The following EDAR variants were observed in gnomAD, a reference collection of about 807,000 sequenced individuals.
The protein encoded by EDAR is tumor necrosis factor receptor superfamily member EDAR.
Under a neutral mutation model 51.3 loss-of-function variants are expected in EDAR, and 38 were observed. That is an observed-to-expected ratio of 0.74 (90% CI 0.57 to 0.97). The LOEUF is 0.97. Among genes scored for constraint, EDAR ranks in the 50% least tolerant of loss-of-function variants. The pLI, the probability that EDAR is intolerant of heterozygous loss-of-function variation, is 0.00. For synonymous variants in EDAR, 227 were observed against 242.1 expected (o/e 0.94, Z 0.58); for missense variants, 528 against 595.0 (o/e 0.89, Z 1.17).
In EDAR at chr2:108,912,820, G is replaced by A. The variant is rs1696953344; in HGVS notation, c.443-56C>T. ...CCAGAGAAGCTCCACCTTCAAAGAC[G>A]CTGCCACAGAGCTCATGGATCTGGA... On this transcript the variant is annotated intron_variant, in intron 5 of 11. Transcript: ENST00000258443. 11 of 1,412,822 alleles carry A rather than the reference G, an allele frequency of 7.8e-6. No individual in the cohort carries two copies. The Admixed American group carries it at 7.8e-5, about 10-fold the overall frequency. The allele number at this position is 1,412,822 out of a possible 1,614,324, so 87.5% of individuals were successfully genotyped here. A position where few individuals can be genotyped will look rare whatever the true frequency, so the allele number is the denominator to read the frequency against.
intron 1 of EDAR, among the ~76,000 whole-genome samples, chr2:108,973,240 G>A (rs1345694218): frequency 6.6e-6 from 1 of 152,144 alleles, no homozygotes; most frequent in Non-Finnish European, 1.5e-5. Context: ...TGCCTGCTTC[G>A]GCCTCCCAAA....
At chr2:108,947,221 C>A (rs1207067676) in intron 1 of EDAR, among the ~76,000 whole-genome samples, 1 of 152,238 alleles carries the variant, frequency 6.6e-6, no homozygotes, top group Non-Finnish European at 1.5e-5. Context: ...CCAGGGCATG[C>A]TGATGCAAGG....
chr2:108,964,532 C>T (rs879360381), intron 1 of EDAR, among the ~76,000 whole-genome samples: 1 of 152,166 alleles, frequency 6.6e-6, no homozygotes, highest in Non-Finnish European at 1.5e-5. Flanking sequence ...CCAACAAACT[C>T]CAAAAGCCCA....
Position 108,900,697 on chromosome 2 carries a change from T to C in EDAR, c.1025-3468A>G, listed in dbSNP as rs562973820. Among the ~76,000 whole-genome samples, 11 of 152,226 alleles carry C rather than the reference T, an allele frequency of 7.2e-5. No individual in the cohort carries two copies. In the South Asian group the frequency reaches 2.1e-3, roughly 29 times the overall value. ...TCACTTCAATATAATGAGAGAGGCGTTGGAAGTAAAGGATGGAAAAATACA... is the reference window on the plus strand; with the variant it reads ...TCACTTCAATATAATGAGAGAGGCGCTGGAAGTAAAGGATGGAAAAATACA... On this transcript the variant is annotated intron_variant, in intron 11 of 11. Transcript: ENST00000258443.
At chr2:108,907,773 A>C (rs1208472623) in intron 10 of EDAR, 87 bp downstream of exon 10, 1 of 1,496,920 alleles carries the variant, frequency 6.7e-7, no homozygotes, top group Non-Finnish European at 9.3e-7. Flanking sequence ...GTCTTGCAGG[A>C]GAGCTGATTC....
At chr2:108,929,460 TG>T (rs138948603) in intron 3 of EDAR, 81 bp from the exon 4 acceptor site, 7 of 1,451,534 alleles carry the variant, frequency 4.8e-6, no homozygotes, top group Non-Finnish European at 6.8e-6. Flanking sequence ...CCTTGGGCAG[TG>T]ACGTGCCAGC....
chr2:108,981,173 A>T lies in EDAR; in HGVS notation c.-19+7787T>A, dbSNP rs542317477. Among the ~76,000 whole-genome samples the T allele has an allele frequency of 3.9e-5, 6 of 152,268 alleles. No individual in the cohort carries two copies. The East Asian group carries it at 7.7e-4, about 20-fold the overall frequency. ...TTCCCTCGGGGAACTGAAGTGACAG[A>T]AGTTACCCAGCAATGATGATCTGAC... On this transcript the variant is annotated intron_variant, in intron 1 of 11. Transcript: ENST00000258443.
intron 9 of EDAR, among the ~76,000 whole-genome samples, chr2:108,908,737 C>G (rs1696859614): frequency 1.3e-5 from 2 of 152,172 alleles, no homozygotes; most frequent in African/African-American, 2.4e-5. Context: ...AAACAATATT[C>G]TTTTTTAGAG....
intron 11 of EDAR, among the ~76,000 whole-genome samples, chr2:108,906,072 TC>T (rs1429735479): frequency 1.3e-5 from 2 of 152,166 alleles, no homozygotes; most frequent in Non-Finnish European, 2.9e-5. Flanking sequence ...CCAGGCTGTC[TC>T]CCGCCCCATG....
intron 1 of EDAR, among the ~76,000 whole-genome samples, chr2:108,962,425 G>A (rs1698065269): frequency 6.6e-6 from 1 of 152,112 alleles, no homozygotes; most frequent in South Asian, 2.1e-4. Context: ...TGTAATCCCA[G>A]CACTTTGGGA....
At chr2:108,973,547 T>C (rs1698271315) in intron 1 of EDAR, among the ~76,000 whole-genome samples, 1 of 152,176 alleles carries the variant, frequency 6.6e-6, no homozygotes, top group African/African-American at 2.4e-5. Context: ...GCCATGGACA[T>C]TTCCAGCCTG....
intron 1 of EDAR, among the ~76,000 whole-genome samples, chr2:108,960,141 G>A (rs1156641574): frequency 2.0e-5 from 3 of 152,286 alleles, no homozygotes; most frequent in East Asian, 1.9e-4. Flanking sequence ...TAAGAGGAGC[G>A]GGGTGGGGAT....
chr2:108,924,219 G>A (rs1697207560), intron 4 of EDAR, among the ~76,000 whole-genome samples: 1 of 152,330 alleles, frequency 6.6e-6, no homozygotes, highest in Non-Finnish European at 1.5e-5. Context: ...ATGTCACAGT[G>A]CCAGCCCCGT....
intron 4 of EDAR, among the ~76,000 whole-genome samples, chr2:108,928,213 C>G (rs1037421250): frequency 6.6e-6 from 1 of 152,192 alleles, no homozygotes; most frequent in Non-Finnish European, 1.5e-5. Context: ...CACTGCCCAG[C>G]TGCTCAGCCC....
chr2:108,929,159 G>C lies in EDAR; in HGVS notation c.356+39C>G, dbSNP rs1174542318. 4 of 1,612,656 alleles carry C rather than the reference G, an allele frequency of 2.5e-6. No homozygotes were observed. The African/African-American group carries it at 5.3e-5, about 22-fold the overall frequency. ...CCGTAGCCCCTCGGGGTTTTCTGCAGAAAGCATGCCAGGGTTTGCCAGGAG... is the reference window on the plus strand; with the variant it reads ...CCGTAGCCCCTCGGGGTTTTCTGCACAAAGCATGCCAGGGTTTGCCAGGAG... On this transcript the variant is annotated intron_variant, in intron 4 of 11. Coordinates refer to ENST00000258443, the MANE Select transcript of EDAR (RefSeq NM_022336.4).
At chr2:108,941,284 T>C (rs1402390352) in intron 1 of EDAR, among the ~76,000 whole-genome samples, 1 of 152,194 alleles carries the variant, frequency 6.6e-6, no homozygotes, top group African/African-American at 2.4e-5. Context: ...TTTTGGTTGT[T>C]TTCTGGGCCT....
At chr2:108,938,305 A>G (rs2105465947) in intron 1 of EDAR, among the ~76,000 whole-genome samples, 1 of 152,332 alleles carries the variant, frequency 6.6e-6, no homozygotes, top group Middle Eastern at 3.4e-3. Flanking sequence ...CTGAACACCA[A>G]CATGGTTATT....
intron 1 of EDAR, among the ~76,000 whole-genome samples, chr2:108,954,578 C>G (rs1697884891): frequency 6.6e-6 from 1 of 152,160 alleles, no homozygotes; most frequent in Non-Finnish European, 1.5e-5. Context: ...CAGCCCTGTG[C>G]CTGGTATGTA....
chr2:108,946,248 C>A (rs953158400), intron 1 of EDAR, among the ~76,000 whole-genome samples: 4 of 152,224 alleles, frequency 2.6e-5, no homozygotes, highest in Non-Finnish European at 4.4e-5. Context: ...TTATCACAGG[C>A]TCTTCAGATA....
Sources: allele counts gnomAD v4.1 joint callset (sites outside exome capture counted in the v4.1 genomes callset), GRCh38; gene constraint gnomAD v4.1.1; transcripts MANE v1.5; gene names NCBI Gene and HGNC (gene_info 2026-07-23, HGNC 2026-07-21).